The following NBAS variants were observed in gnomAD, a reference collection of about 807,000 sequenced individuals.
The protein encoded by NBAS is NBAS subunit of NRZ tethering complex.
A neutral mutation model predicts 302.5 loss-of-function variants in NBAS; 219 were observed. The observed-to-expected ratio is 0.72, with a 90% CI of 0.65 to 0.81. The LOEUF (loss-of-function observed/expected upper bound fraction) is 0.81, where lower values mean the gene tolerates loss of function less well. NBAS is among the 30% of genes least tolerant of loss of function. The pLI is 0.00. For synonymous variants in NBAS, 1,118 were observed against 1,021.6 expected, an observed-to-expected ratio of 1.09 and a Z score of -1.80; for missense variants, 2,932 against 2,841.6, an observed-to-expected ratio of 1.03 and a Z score of -0.72.
chr2:15,291,547 A>G (rs535862560), intron 41 of NBAS, among the ~76,000 whole-genome samples: 101 of 152,308 alleles, frequency 6.6e-4, no homozygotes, highest in African/African-American at 2.3e-3. Context: ...AGCAAACACC[A>G]GCACTAAAAC....
intron 47 of NBAS, among the ~76,000 whole-genome samples, chr2:15,227,506 A>G (rs913756568): frequency 3.3e-5 from 5 of 152,144 alleles, no homozygotes; most frequent in African/African-American, 1.2e-4. Flanking sequence ...AAAATCTTAA[A>G]ATTCATATGG....
chr2:15,244,756 G>A (rs60917669), intron 44 of NBAS, among the ~76,000 whole-genome samples: 21,174 of 152,042 alleles, frequency 0.14, 2,214 homozygotes, highest in East Asian at 0.52. Context: ...TTCCTCTAGT[G>A]GAGAAGCAGA....
At chr2:15,024,711 A>G in the NBAS span, among the ~76,000 whole-genome samples, 1,478 of 152,216 alleles carry the variant, frequency 9.7e-3, 10 homozygotes, top group Middle Eastern at 0.034. Context: ...CATTTCTCCA[A>G]TGATTAGTGA....
chr2:14,957,024 A>C, the NBAS span, among the ~76,000 whole-genome samples: 13 of 152,182 alleles, frequency 8.5e-5, no homozygotes, highest in African/African-American at 2.9e-4. Flanking sequence ...CCTTATACAA[A>C]GTGGCAAATT....
chr2:14,799,669 C>G, the NBAS span, among the ~76,000 whole-genome samples: 66 of 152,170 alleles, frequency 4.3e-4, no homozygotes, highest in African/African-American at 1.5e-3. Context: ...TTGTTGAAAC[C>G]TCTCAATACA....
At chr2:14,943,553 T>C in the NBAS span, among the ~76,000 whole-genome samples, 1 of 152,242 alleles carries the variant, frequency 6.6e-6, no homozygotes, top group African/African-American at 2.4e-5. Context: ...ACATTATTAA[T>C]GCATCACCTT....
At position 15,353,493 on chromosome 2, in the gene NBAS, A is replaced by G. The variant is rs1673465680; in HGVS notation, c.4089+60T>C. On this transcript the variant is annotated intron_variant, in intron 34 of 51. Transcript: ENST00000281513. ...TTTTAAGTGACCACATACCTCAGAT[A>G]CACACACCCAACAACATGGACGTCA... 6.3e-6 allele frequency: 10 copies of G among 1,596,086 alleles called. No homozygotes were observed. The Admixed American group carries it at 6.7e-5, about 11-fold the overall frequency.
chr2:15,438,876 A>T (rs117252831), intron 21 of NBAS, among the ~76,000 whole-genome samples: 1,937 of 152,336 alleles, frequency 0.013, 31 homozygotes, highest in East Asian at 0.059. Context: ...CAACCAAAGG[A>T]GCAGAAAGAA....
At chr2:14,964,416 A>C in the NBAS span, among the ~76,000 whole-genome samples, 1 of 152,316 alleles carries the variant, frequency 6.6e-6, no homozygotes, top group East Asian at 1.9e-4. Flanking sequence ...TACAGAAGAA[A>C]CTGGAATGGC....
At chr2:14,784,676 A>G in the NBAS span, among the ~76,000 whole-genome samples, 1 of 152,070 alleles carries the variant, frequency 6.6e-6, no homozygotes, top group Non-Finnish European at 1.5e-5. Flanking sequence ...CCATTGATAT[A>G]TATCTCTGTT....
At chr2:15,116,853 T>A in the NBAS span, among the ~76,000 whole-genome samples, 10 of 152,194 alleles carry the variant, frequency 6.6e-5, no homozygotes, top group Admixed American at 1.3e-4. Context: ...CTTAATTTAA[T>A]ACATATATAG....
chr2:14,917,773 C>T, the NBAS span, among the ~76,000 whole-genome samples: 3 of 152,134 alleles, frequency 2.0e-5, no homozygotes, highest in African/African-American at 7.2e-5. Flanking sequence ...TATATGAAAA[C>T]ACCACATGTA....
intron 26 of NBAS, among the ~76,000 whole-genome samples, chr2:15,397,207 T>C (rs1370177120): frequency 3.3e-5 from 5 of 152,194 alleles, no homozygotes; most frequent in Admixed American, 2.0e-4. Flanking sequence ...TGAAAAAGAT[T>C]ATAACTGCTA....
At chr2:14,794,446 T>C in the NBAS span, among the ~76,000 whole-genome samples, 3 of 152,226 alleles carry the variant, frequency 2.0e-5, no homozygotes, top group African/African-American at 4.8e-5. Flanking sequence ...AAAAAACTTT[T>C]AGCATTTTAT....
chr2:15,251,687 G>A (rs761983594), intron 44 of NBAS, among the ~76,000 whole-genome samples: 2 of 152,132 alleles, frequency 1.3e-5, no homozygotes, highest in South Asian at 2.1e-4. Flanking sequence ...CTGTCACGAC[G>A]CTGGTGGGAA....
chr2:15,434,762 G>A (rs1464145394), intron 21 of NBAS, among the ~76,000 whole-genome samples: 1 of 152,018 alleles, frequency 6.6e-6, no homozygotes, highest in Non-Finnish European at 1.5e-5. Context: ...TCAGTGAGGG[G>A]GAATATATAT....
At chr2:14,949,058 G>T in the NBAS span, among the ~76,000 whole-genome samples, 2 of 152,020 alleles carry the variant, frequency 1.3e-5, no homozygotes. Context: ...AATGAAACTA[G>T]ACCCCTATAA....
chr2:15,125,687 T>G, the NBAS span, among the ~76,000 whole-genome samples: 6 of 152,224 alleles, frequency 3.9e-5, no homozygotes, highest in Admixed American at 6.5e-5. Context: ...CAGACTTGGG[T>G]TGGGCCTGTT....
chr2:15,228,287 G>A (rs1264675511), intron 47 of NBAS, among the ~76,000 whole-genome samples: 1 of 152,110 alleles, frequency 6.6e-6, no homozygotes, highest in Non-Finnish European at 1.5e-5. Flanking sequence ...TCAGGGAAAT[G>A]CAATCAAAAT....
Sources: allele counts gnomAD v4.1 joint callset (sites outside exome capture counted in the v4.1 genomes callset), GRCh38; gene constraint gnomAD v4.1.1; transcripts MANE v1.5; gene names NCBI Gene and HGNC (gene_info 2026-07-23, HGNC 2026-07-21).